The following IGSF10 variants were observed in gnomAD, a reference collection of about 807,000 sequenced individuals.
The protein encoded by IGSF10 is calvaria mechanical force protein 608.
A neutral mutation model predicts 128.2 loss-of-function variants in IGSF10; 126 were observed. The observed-to-expected ratio is 0.98, with a 90% CI of 0.85 to 1.14. The LOEUF is 1.14. Ranked by LOEUF, IGSF10 falls within the 50% of genes most tolerant of loss-of-function variation. The pLI, the probability that IGSF10 is intolerant of heterozygous loss-of-function variation, is 0.00. For missense variants in IGSF10, 3,295 were observed against 3,149.8 expected (o/e 1.05, Z -1.10); for synonymous variants, 1,185 against 1,146.2 (o/e 1.03, Z -0.68).
At chr3:151,617,238 TCC>T in the IGSF10 span, among the ~76,000 whole-genome samples, 1 of 104,402 alleles carries the variant, frequency 9.6e-6, no homozygotes, top group Admixed American at 9.8e-5. Context: ...TTCTTCTTCT[TCC>T]TCCTCCTCTT....
Position 151,446,802 on chromosome 3 carries a change from T to C in IGSF10, c.3179A>G (p.Asn1060Ser). 6.2e-7 allele frequency: 1 copy of C among 1,614,090 alleles called. No homozygotes were observed. The highest frequency in any genetic ancestry group is 8.5e-7 in the Non-Finnish European group (1 of 1,179,992). The change falls in exon 6 of 8, where the codon AAT (asparagine) becomes AGT (serine). Residue 1060 changes from asparagine (N) to serine (S), a missense_variant. Asn to Ser is a conservative substitution (Grantham distance 46). Transcript: ENST00000282466. ...GGGAAGACAGGACAGACATGTCACA[T>C]TGAGCACTGTGGCTGAGAATGCAGT... Reference protein sequence around the residue: ...STTAFSATVLNVTCLSCLPRE... With the variant: ...STTAFSATVLSVTCLSCLPRE...
upstream of IGSF10, among the ~76,000 whole-genome samples, chr3:151,463,465 C>T (rs535367492): frequency 7.7e-6 from 1 of 130,500 alleles, no homozygotes; most frequent in Non-Finnish European, 1.6e-5. Context: ...AGCCAAAATA[C>T]AATACTGAAT....
Position 151,447,130 on chromosome 3 carries a change from T to C in IGSF10, c.2851A>G (p.Thr951Ala), listed in dbSNP as rs768253551. Reference protein sequence around the residue: ...NKLLLESVNTTNSHQTSVREV... With the variant: ...NKLLLESVNTANSHQTSVREV... ...CTTACAGATGTCTGATGACTATTTG[T>C]GGTATTTACTGACTCTAATAATAGT... is the stretch of plus-strand genomic sequence containing the variant. The change falls in exon 6 of 8, where the codon ACA becomes GCA. Residue 951 changes from threonine to alanine, a missense_variant. Thr to Ala is a moderately conservative substitution (Grantham distance 58). Coordinates refer to ENST00000282466, the MANE Select transcript of IGSF10 (RefSeq NM_178822.5). 5 of 1,614,104 alleles carry C rather than the reference T, an allele frequency of 3.1e-6. No individual in the cohort carries two copies. In the African/African-American group the frequency reaches 6.7e-5, roughly 22 times the overall value.
In IGSF10 at chr3:151,456,953, G is replaced by T. The variant is rs1721823867; in HGVS notation, c.324+73C>A. 13 of 1,448,278 alleles carry T rather than the reference G, an allele frequency of 9.0e-6. No individual in the cohort carries two copies. The South Asian group carries it at 1.5e-4, about 17-fold the overall frequency. 89.7% of individuals were successfully genotyped at this position (1,448,278 alleles called of 1,614,324 possible). On this transcript the variant is annotated intron_variant, in intron 4 of 7. Transcript: ENST00000282466. ...TGATTTTCGTATTGTGTAGAGATAG[G>T]CAGCCTTTGAAGGTCTATCTCACAG...
the IGSF10 span, among the ~76,000 whole-genome samples, chr3:151,533,698 G>T: frequency 2.0e-5 from 3 of 152,092 alleles, no homozygotes; most frequent in South Asian, 6.2e-4. Context: ...AACCAAAAAA[G>T]CCCTAGAAGA....
chr3:151,436,199 CTTA>C (rs1720172320), downstream of IGSF10: 1 of 153,738 alleles, frequency 6.5e-6, no homozygotes, highest in African/African-American at 2.4e-5. Flanking sequence ...CAGTTCAGTG[CTTA>C]TTTTCTGTAG....
the IGSF10 span, among the ~76,000 whole-genome samples, chr3:151,498,736 A>C: frequency 6.6e-6 from 1 of 152,182 alleles, no homozygotes; most frequent in Admixed American, 6.6e-5. Flanking sequence ...CCATTTCAGA[A>C]GCTGAATAAG....
the IGSF10 span, among the ~76,000 whole-genome samples, chr3:151,496,507 C>T: frequency 1.5e-5 from 2 of 134,560 alleles, no homozygotes; most frequent in Admixed American, 1.6e-4. Flanking sequence ...TCATCCATGT[C>T]CCTACAAAGG....
intron 7 of IGSF10, among the ~76,000 whole-genome samples, chr3:151,442,766 T>C (rs755001966): frequency 6.6e-6 from 1 of 152,134 alleles, no homozygotes; most frequent in East Asian, 1.9e-4. Context: ...ATAAAAACCC[T>C]AAGAAGTTGA....
At chr3:151,594,380 C>T in the IGSF10 span, among the ~76,000 whole-genome samples, 10 of 143,904 alleles carry the variant, frequency 6.9e-5, no homozygotes, top group East Asian at 2.0e-3. Context: ...GTCGCCCAGG[C>T]TGGAGTGCAG....
chr3:151,587,535 G>A, the IGSF10 span, among the ~76,000 whole-genome samples: 54 of 151,850 alleles, frequency 3.6e-4, no homozygotes, highest in African/African-American at 1.3e-3. Flanking sequence ...AGTTTTTATT[G>A]CTTGTATAGG....
At position 151,448,103 on chromosome 3, in the gene IGSF10, G is replaced by A. The variant is rs774029389; in HGVS notation, c.1878C>T (p.Asn626=). 5.0e-6 allele frequency: 8 copies of A among 1,613,998 alleles called. No individual in the cohort carries two copies. The Admixed American group carries it at 8.3e-5, about 17-fold the overall frequency. ...CCTGTAATATTCTTAATGTGCCATT[G>A]TTTAGAACTTTCTTGTCTCTTGATG... is the stretch of plus-strand genomic sequence containing the variant. The part of the protein sequence containing the change: ...YQSSRDKKVL[N]NGTLRILQVT... The change falls in exon 6 of 8, where the codon AAC becomes AAT. Residue 626 remains asparagine, a synonymous_variant. Transcript: ENST00000282466.
chr3:151,496,164 T>A, the IGSF10 span, among the ~76,000 whole-genome samples: 1 of 151,980 alleles, frequency 6.6e-6, no homozygotes, highest in Non-Finnish European at 1.5e-5. Flanking sequence ...TAGGTCTCAT[T>A]TGAAGGTCAC....
chr3:151,438,274 T>C lies in IGSF10; in HGVS notation c.6287A>G (p.Tyr2096Cys). The change falls in exon 8 of 8, where the codon TAT (tyrosine) becomes TGT (cysteine). Residue 2096 changes from tyrosine (Y) to cysteine (C), a missense_variant. Transcript: ENST00000282466. ...TAAAGTTCCATTGTTGAAAAGGGTATATCTCCTAGTCCTGTGGCCACTGTC... is the reference window on the plus strand; with the variant it reads ...TAAAGTTCCATTGTTGAAAAGGGTACATCTCCTAGTCCTGTGGCCACTGTC... ...ADDSGHRTRR[Y>C]TLFNNGTLYF... is the part of the protein sequence containing the mutation. 1 of 1,614,190 alleles carries C rather than the reference T, an allele frequency of 6.2e-7. No individual in the cohort carries two copies. The highest frequency in any genetic ancestry group is 8.5e-7 in the Non-Finnish European group (1 of 1,180,024).
rs778548572 is a variant in IGSF10 at position 151,436,936 on chromosome 3, G to A, written c.7625C>T (p.Thr2542Ile). The change falls in exon 8 of 8, where the codon ACA (threonine) becomes ATA (isoleucine). Residue 2542 changes from threonine to isoleucine, a missense_variant. Thr to Ile is a moderately conservative substitution (Grantham distance 89). Transcript: ENST00000282466. ...ACAGTGGAGCTGAAAGGCTGCCCCT[G>A]TCCTGGTGACAATACTCCTGGGTGG... The part of the protein sequence containing the change: ...NRPPRSIVTR[T>I]GAAFQLHCVA... 1.9e-6 allele frequency: 3 copies of A among 1,614,204 alleles called. No individual in the cohort carries two copies. Among genetic ancestry groups the A allele is most frequent in the East Asian group, 4.5e-5 (2 of 44,892 alleles).
chr3:151,522,511 C>T, the IGSF10 span, among the ~76,000 whole-genome samples: 1 of 152,118 alleles, frequency 6.6e-6, no homozygotes, highest in Non-Finnish European at 1.5e-5. Flanking sequence ...TAGGCTTCAT[C>T]CCTGGGATGC....
At chr3:151,579,873 G>GGAAAGGAA in the IGSF10 span, among the ~76,000 whole-genome samples, 10,081 of 127,454 alleles carry the variant, frequency 0.079, 821 homozygotes, top group African/African-American at 0.17. Context: ...AAGGGAGGAA[G>GGAAAGGAA]GAAAGGAAGG....
chr3:151,463,536 T>G (rs13065980), upstream of IGSF10, among the ~76,000 whole-genome samples: 1,901 of 14,082 alleles, frequency 0.13, 45 homozygotes, highest in East Asian at 0.22. Context: ...TTTTTTTTTT[T>G]TTTTTTTTTT....
chr3:151,566,572 A>G, the IGSF10 span, among the ~76,000 whole-genome samples: 1 of 152,162 alleles, frequency 6.6e-6, no homozygotes, highest in Admixed American at 6.5e-5. Context: ...GGACAAAGAG[A>G]GCTCAGAGGA....
Sources: allele counts gnomAD v4.1 joint callset (sites outside exome capture counted in the v4.1 genomes callset), GRCh38; gene constraint gnomAD v4.1.1; transcripts MANE v1.5; gene names NCBI Gene and HGNC (gene_info 2026-07-23, HGNC 2026-07-21).